Variants in FSTL5 observed in about 807,000 individuals in gnomAD.
FSTL5 encodes follistatin like 5, also known as follistatin-related protein 5.
FSTL5 carries 62 observed loss-of-function variants against 89.1 expected under a neutral mutation model. The observed-to-expected ratio is 0.70, with a 90% CI of 0.57 to 0.86. FSTL5 has a LOEUF of 0.86. Ranked by LOEUF, FSTL5 falls within the 40% of genes least tolerant of loss-of-function variation. FSTL5 has a pLI of 0.00. For missense variants in FSTL5, 1,057 were observed against 1,001.6 expected, an observed-to-expected ratio of 1.06 and a Z score of -0.75; for synonymous variants, 383 against 346.2, an observed-to-expected ratio of 1.11 and a Z score of -1.18.
chr4:162,025,305 G>C (rs115633718), intron 3 of FSTL5, among the ~76,000 whole-genome samples: 1 of 151,962 alleles, frequency 6.6e-6, no homozygotes, highest in Admixed American at 6.6e-5. Context: ...TGAAATTGAG[G>C]CTTTTGATAA....
At chr4:161,800,234 T>C (rs1364210543) in intron 4 of FSTL5, among the ~76,000 whole-genome samples, 2 of 151,640 alleles carry the variant, frequency 1.3e-5, no homozygotes, top group Non-Finnish European at 3.0e-5. Context: ...TTGCCTCTAA[T>C]GATTAATTTC....
At chr4:161,801,575 C>A (rs1028345387) in intron 4 of FSTL5, among the ~76,000 whole-genome samples, 1 of 151,394 alleles carries the variant, frequency 6.6e-6, no homozygotes, top group Non-Finnish European at 1.5e-5. Context: ...CATTTAAAAT[C>A]TCTTATCTCT....
intron 1 of FSTL5, among the ~76,000 whole-genome samples, chr4:162,118,666 A>G (rs1046931324): frequency 1.8e-4 from 28 of 152,214 alleles, no homozygotes; most frequent in African/African-American, 6.8e-4. Flanking sequence ...ACCAGCTGCA[A>G]ATACTTTTTC....
intron 3 of FSTL5, among the ~76,000 whole-genome samples, chr4:162,002,749 A>ATT (rs144937480): frequency 6.6e-6 from 1 of 151,636 alleles, no homozygotes; most frequent in South Asian, 2.1e-4. Context: ...ATGTTACTGC[A>ATT]TTTTTTAGCT....
At chr4:161,396,905 T>C (rs980166107) in intron 15 of FSTL5, among the ~76,000 whole-genome samples, 1 of 152,138 alleles carries the variant, frequency 6.6e-6, no homozygotes, top group African/African-American at 2.4e-5. Flanking sequence ...AAGAAGGATC[T>C]TGTCCATATA....
At chr4:161,397,554 C>T (rs879040715) in intron 15 of FSTL5, among the ~76,000 whole-genome samples, 5 of 150,370 alleles carry the variant, frequency 3.3e-5, no homozygotes, top group Admixed American at 6.6e-5. Context: ...ATATCTATAT[C>T]GATGAAAAAA....
At chr4:161,874,744 A>G (rs1560893748) in intron 4 of FSTL5, among the ~76,000 whole-genome samples, 1 of 151,960 alleles carries the variant, frequency 6.6e-6, no homozygotes, top group Non-Finnish European at 1.5e-5. Context: ...CTTTTTTGTA[A>G]TATTAATTAT....
chr4:162,163,397 C>T (rs2110775643), intron 1 of FSTL5, among the ~76,000 whole-genome samples: 1 of 149,394 alleles, frequency 6.7e-6, no homozygotes, highest in Non-Finnish European at 1.5e-5. Flanking sequence ...TCTCAACTTC[C>T]CCTCTAGAAT....
At chr4:161,978,524 A>T (rs1213771947) in intron 3 of FSTL5, among the ~76,000 whole-genome samples, 1 of 152,106 alleles carries the variant, frequency 6.6e-6, no homozygotes, top group Admixed American at 6.5e-5. Context: ...ACATTTTATC[A>T]ATTTATTTGA....
At chr4:161,565,432 A>C (rs1420708991) in intron 8 of FSTL5, among the ~76,000 whole-genome samples, 1 of 151,776 alleles carries the variant, frequency 6.6e-6, no homozygotes, top group Non-Finnish European at 1.5e-5. Context: ...TGAGGGAAAA[A>C]ATGCTAGTTG....
At chr4:161,736,426 A>T (rs1739820473) in intron 6 of FSTL5, among the ~76,000 whole-genome samples, 1 of 152,186 alleles carries the variant, frequency 6.6e-6, no homozygotes, top group East Asian at 1.9e-4. Context: ...CTACCACTTA[A>T]GAAGCAGTTT....
intron 6 of FSTL5, among the ~76,000 whole-genome samples, chr4:161,694,863 CAA>C (rs1278870769): frequency 3.0e-5 from 1 of 33,202 alleles, no homozygotes; most frequent in Non-Finnish European, 6.7e-5. Flanking sequence ...TTTTTTTTTG[CAA>C]AAAGATGTAG....
chr4:161,561,552 G>A (rs1732602690), intron 8 of FSTL5, among the ~76,000 whole-genome samples: 1 of 151,860 alleles, frequency 6.6e-6, no homozygotes, highest in Non-Finnish European at 1.5e-5. Flanking sequence ...GTAAAACTCT[G>A]AGGATATTCC....
intron 4 of FSTL5, among the ~76,000 whole-genome samples, chr4:161,879,527 G>A (rs921988396): frequency 6.6e-6 from 1 of 152,094 alleles, no homozygotes; most frequent in African/African-American, 2.4e-5. Flanking sequence ...GCAAATCTCC[G>A]CAAGAGCCTG....
At chr4:161,530,785 G>A (rs945444638) in intron 10 of FSTL5, among the ~76,000 whole-genome samples, 1 of 152,058 alleles carries the variant, frequency 6.6e-6, no homozygotes, top group African/African-American at 2.4e-5. Flanking sequence ...ACTTAATGCA[G>A]CCTGTAGCTT....
At chr4:161,990,537 T>A (rs2111074627) in intron 3 of FSTL5, among the ~76,000 whole-genome samples, 1 of 152,234 alleles carries the variant, frequency 6.6e-6, no homozygotes, top group East Asian at 1.9e-4. Context: ...TCAATTATTC[T>A]CTTATAAACT....
intron 6 of FSTL5, among the ~76,000 whole-genome samples, chr4:161,739,527 A>G (rs145449094): frequency 2.2e-3 from 340 of 152,334 alleles, no homozygotes; most frequent in African/African-American, 7.7e-3. Context: ...ACAAATTTAG[A>G]ACATTTGTAG....
intron 5 of FSTL5, among the ~76,000 whole-genome samples, chr4:161,760,149 A>C (rs916309371): frequency 6.6e-6 from 1 of 152,184 alleles, no homozygotes; most frequent in Non-Finnish European, 1.5e-5. Context: ...GATGATGAAA[A>C]TCTATCCAGG....
At chr4:161,487,454 A>G (rs1320955715) in intron 12 of FSTL5, among the ~76,000 whole-genome samples, 2 of 152,168 alleles carry the variant, frequency 1.3e-5, no homozygotes, top group African/African-American at 2.4e-5. Flanking sequence ...AAACTTTTAT[A>G]GCAATTTGAC....
Sources: allele counts gnomAD v4.1 joint callset (sites outside exome capture counted in the v4.1 genomes callset), GRCh38; gene constraint gnomAD v4.1.1; transcripts MANE v1.5; gene names NCBI Gene and HGNC (gene_info 2026-07-23, HGNC 2026-07-21).